The following REV3L variants were observed in gnomAD, a reference collection of about 807,000 sequenced individuals.
The protein encoded by REV3L is REV3 like, DNA directed polymerase zeta catalytic subunit, also known as DNA polymerase zeta catalytic subunit.
In REV3L, 69 loss-of-function variants were observed where a neutral mutation model predicts 299.4. The ratio of observed to expected loss-of-function variants is 0.23; its 90% CI spans 0.19 to 0.28. The LOEUF (loss-of-function observed/expected upper bound fraction) is 0.28, where lower values mean the gene tolerates loss of function less well. Among genes scored for constraint, REV3L ranks in the 10% least tolerant of loss-of-function variants. The pLI is 1.00. For synonymous variants in REV3L, 1,238 were observed against 1,271.4 expected (o/e 0.97, Z 0.56); for missense variants, 3,128 against 3,693.8 (o/e 0.85, Z 3.97).
intron 4 of REV3L, among the ~76,000 whole-genome samples, chr6:111,405,080 T>C (rs893421737): frequency 4.0e-5 from 6 of 149,728 alleles, no homozygotes; most frequent in African/African-American, 1.5e-4. Context: ...ATTCCTAAAA[T>C]ATAAAAAGTA....
At position 111,373,100 on chromosome 6, in the gene REV3L, G is replaced by A. The variant is rs777066582; in HGVS notation, c.5255C>T (p.Thr1752Ile). ...NQWKNSFHPL[T>I]TRSNSIMDSF... ...ATCCATTATTGAGTTAGACCGAGTT[G>A]TTAGAGGATGAAAGCTATTTTTCCA... Residue 1752 changes from threonine to isoleucine, a missense_variant, in exon 13 of 32, where the codon ACA (threonine) becomes ATA (isoleucine). Physicochemically the swap from Thr to Ile is moderately conservative, Grantham distance 89. Around this residue, in one of 9 missense-constraint regions of REV3L, gnomAD observed 2,409 missense variants for 2,611.8 expected, o/e 0.92. Coordinates refer to ENST00000368802, the MANE Select transcript of REV3L (RefSeq NM_001372078.1). 7 of 1,613,970 alleles carry A rather than the reference G, an allele frequency of 4.3e-6. No individual in the cohort carries two copies. The African/African-American group carries it at 8.0e-5, about 18-fold the overall frequency.
At chr6:111,326,823 G>A (rs528991263) in intron 25 of REV3L, among the ~76,000 whole-genome samples, 4 of 151,848 alleles carry the variant, frequency 2.6e-5, no homozygotes, top group East Asian at 1.9e-4. Context: ...AAAAAAAAGT[G>A]GCTGATATCT....
At chr6:111,442,759 A>G (rs1046734352) in intron 1 of REV3L, among the ~76,000 whole-genome samples, 3 of 152,148 alleles carry the variant, frequency 2.0e-5, no homozygotes, top group African/African-American at 7.2e-5. Flanking sequence ...TGTCTTATTA[A>G]CTACATCTCT....
intron 20 of REV3L, among the ~76,000 whole-genome samples, chr6:111,347,342 T>C (rs1777136103): frequency 1.3e-5 from 2 of 151,692 alleles, no homozygotes; most frequent in Admixed American, 1.3e-4. Context: ...AATCTCTGTA[T>C]CTCTTATATC....
intron 4 of REV3L, among the ~76,000 whole-genome samples, chr6:111,405,247 G>A (rs112394992): frequency 5.3e-5 from 8 of 151,960 alleles, no homozygotes; most frequent in South Asian, 4.2e-4. Context: ...CTCTTTAAAC[G>A]GATATAAATT....
In REV3L at chr6:111,299,082, T is replaced by A. The variant is rs1226210671; in HGVS notation, c.*934A>T. 1 of 152,524 alleles carries A rather than the reference T, an allele frequency of 6.6e-6. No homozygotes were observed. Among genetic ancestry groups the A allele is most frequent in the Non-Finnish European group, 1.5e-5 (1 of 67,998 alleles). 9.4% of individuals were successfully genotyped at this position (152,524 alleles called of 1,614,324 possible). A position where few individuals can be genotyped will look rare whatever the true frequency, so the allele number is the denominator to read the frequency against. ...TTAATATGGTTTCCATTATTAACTT[T>A]TAAAACAAAATGATTTCCAGTTTAA... On this transcript the variant is annotated 3_prime_UTR_variant, in exon 32 of 32. Coordinates refer to ENST00000368802, the MANE Select transcript of REV3L (RefSeq NM_001372078.1).
chr6:111,483,708 T>C, upstream of REV3L: 3 of 338,502 alleles, frequency 8.9e-6, no homozygotes. Flanking sequence ...GAGGCGCAGA[T>C]CTCGTGCCGC....
In REV3L at chr6:111,310,021, G is replaced by A. The variant is rs41557516; in HGVS notation, c.8874C>T (p.Pro2958=). The A allele has an allele frequency of 1.7e-5, 27 of 1,613,002 alleles. No homozygotes were observed. Among genetic ancestry groups the A allele is most frequent in the Admixed American group, 1.3e-4 (8 of 59,872 alleles). The part of the protein sequence containing the change: ...RVPYVIIYGT[P]GVPLIQLVRR... ...TTACAAGCTGGATAAGTGGTACTCC[G>A]GGGGTCCCATAAATGATGACGTATG... is the stretch of plus-strand genomic sequence containing the variant. The change falls in exon 30 of 32, where the codon CCC becomes CCT. Residue 2958 remains proline (P), a synonymous_variant. Coordinates refer to ENST00000368802, the MANE Select transcript of REV3L (RefSeq NM_001372078.1).
rs755496072 is a variant in REV3L at position 111,355,021 on chromosome 6, G to A, written c.7184+1993C>T. On this transcript the variant is annotated intron_variant, in intron 18 of 31. Transcript: ENST00000368802. ...TAATAGCATTTAGGGAAGAGGAAAA[G>A]GGAAGAATCATAGTTATATTTAAGT... Among the ~76,000 whole-genome samples, 22 of 152,106 alleles carry A rather than the reference G, an allele frequency of 1.4e-4. 1 individual carries two copies. In the East Asian group the frequency reaches 2.1e-3, roughly 15 times the overall value.
intron 1 of REV3L, among the ~76,000 whole-genome samples, chr6:111,469,725 T>C (rs1219958271): frequency 6.6e-6 from 1 of 152,138 alleles, no homozygotes; most frequent in Non-Finnish European, 1.5e-5. Flanking sequence ...TATCCAGACA[T>C]AGCTATCCTA....
chr6:111,421,441 T>C (rs1415261461), intron 1 of REV3L, among the ~76,000 whole-genome samples: 1 of 152,158 alleles, frequency 6.6e-6, no homozygotes, highest in Non-Finnish European at 1.5e-5. Context: ...TCTGCTGTTG[T>C]AGCCTGGAAG....
chr6:111,451,568 T>C (rs1163754065), intron 1 of REV3L, among the ~76,000 whole-genome samples: 2 of 152,102 alleles, frequency 1.3e-5, no homozygotes, highest in African/African-American at 2.4e-5. Flanking sequence ...GGGCACAGAA[T>C]AGCTCTGTGT....
In REV3L at chr6:111,483,210, T is replaced by G; in HGVS notation, c.-322A>C. Reference sequence around the variant, plus strand: ...GCTGCAGCTCTTGTTGCCATGATGATGATGTCACGGACGCAACCACTGGGG... The same window carrying G: ...GCTGCAGCTCTTGTTGCCATGATGAGGATGTCACGGACGCAACCACTGGGG... On this transcript the variant is annotated 5_prime_UTR_variant, in exon 1 of 32. Coordinates refer to ENST00000368802, the MANE Select transcript of REV3L (RefSeq NM_001372078.1). 2.3e-6 allele frequency: 1 copy of G among 430,914 alleles called. No individual in the cohort carries two copies. 26.7% of individuals were successfully genotyped at this position (430,914 alleles called of 1,614,324 possible). A position where few individuals can be genotyped will look rare whatever the true frequency, so the allele number is the denominator to read the frequency against.
At chr6:111,332,135 G>A (rs1453496153) in intron 23 of REV3L, among the ~76,000 whole-genome samples, 1 of 151,988 alleles carries the variant, frequency 6.6e-6, no homozygotes, top group Non-Finnish European at 1.5e-5. Context: ...GCAGTGGCGC[G>A]ATCTCGGCTC....
intron 17 of REV3L, 35 bp downstream of exon 17, chr6:111,358,787 T>C: frequency 6.7e-7 from 1 of 1,494,126 alleles, no homozygotes; most frequent in Non-Finnish European, 9.2e-7. Flanking sequence ...CACCCTAGAG[T>C]GGGCAGGTAT....
At chr6:111,303,700 A>C (rs1394586480) in intron 31 of REV3L, among the ~76,000 whole-genome samples, 2 of 7,578 alleles carry the variant, frequency 2.6e-4, no homozygotes, top group African/African-American at 8.9e-4. Flanking sequence ...ACAGACTATG[A>C]CTTTTTTTTT....
At position 111,482,962 on chromosome 6, in the gene REV3L, C is replaced by T. The variant is rs1212285880; in HGVS notation, c.-74G>A. 9 of 1,429,174 alleles carry T rather than the reference C, an allele frequency of 6.3e-6. No individual in the cohort carries two copies. Among genetic ancestry groups the T allele is most frequent in the African/African-American group, 1.5e-5 (1 of 66,192 alleles). 88.5% of individuals were successfully genotyped at this position (1,429,174 alleles called of 1,614,324 possible). On this transcript the variant is annotated 5_prime_UTR_variant, in exon 1 of 32. Coordinates refer to ENST00000368802, the MANE Select transcript of REV3L (RefSeq NM_001372078.1). ...CAGCAGCAGCGGCGGCGGCTCCCTC[C>T]GCAGCGGCGGCGGCGCCCCCTCCCC...
At position 111,329,583 on chromosome 6, in the gene REV3L, G is replaced by A; in HGVS notation, c.8190C>T (p.Val2730=). 1 of 1,614,070 alleles carries A rather than the reference G, an allele frequency of 6.2e-7. No homozygotes were observed. ...RQLGLKLIAN[V]TFGYTSANFS... Reference sequence around the variant, plus strand: ...AATTAGCAGATGTATAGCCAAATGTGACATTTGCTATCAGCTTAAGTCCCA... The same window carrying A: ...AATTAGCAGATGTATAGCCAAATGTAACATTTGCTATCAGCTTAAGTCCCA... Residue 2730 remains valine, a synonymous_variant, in exon 25 of 32, where the codon GTC becomes GTT. Transcript: ENST00000368802.
chr6:111,361,828 T>G (rs1778716333), intron 16 of REV3L, among the ~76,000 whole-genome samples: 1 of 152,118 alleles, frequency 6.6e-6, no homozygotes, highest in South Asian at 2.1e-4. Flanking sequence ...TTTTCTTTGG[T>G]TTATTCCCTG....
Sources: gnomAD v4.1 joint callset for allele counts (sites outside exome capture counted in the v4.1 genomes callset) on GRCh38, gnomAD v4.1.1 for gene constraint, gnomAD v4.1.1 regional missense constraint, MANE v1.5 for transcripts, NCBI Gene and HGNC (gene_info 2026-07-23, HGNC 2026-07-21) for gene names.